Variants in TNIK observed in about 807,000 individuals in gnomAD.
TNIK encodes the protein TRAF2 and NCK interacting kinase.
Under a neutral mutation model 191.3 loss-of-function variants are expected in TNIK, and 49 were observed. The ratio of observed to expected loss-of-function variants is 0.26; its 90% CI spans 0.20 to 0.32. The LOEUF (loss-of-function observed/expected upper bound fraction) is 0.32. TNIK is among the 10% of genes least tolerant of loss of function. The probability of loss-of-function intolerance (pLI) is 1.00; values close to 1 mark genes in which losing one functional copy is unlikely to be tolerated. For missense variants in TNIK, 1,155 were observed against 1,702.3 expected (o/e 0.68, Z 5.66); for synonymous variants, 594 against 600.9 (o/e 0.99, Z 0.17).
chr3:171,247,000 A>G (rs1745665225), intron 2 of TNIK, among the ~76,000 whole-genome samples: 1 of 152,272 alleles, frequency 6.6e-6, no homozygotes, highest in African/African-American at 2.4e-5. Context: ...TGGCCAATGT[A>G]TGAGGAAGGG....
intron 1 of TNIK, among the ~76,000 whole-genome samples, chr3:171,402,722 C>T (rs1314235672): frequency 6.6e-6 from 1 of 152,114 alleles, no homozygotes; most frequent in African/African-American, 2.4e-5. Flanking sequence ...GTTAGCTCTC[C>T]AAAATTTAGG....
chr3:171,084,087 A>AT, intron 26 of TNIK, 68 bp downstream of exon 26: 1 of 1,451,040 alleles, frequency 6.9e-7, no homozygotes, highest in Non-Finnish European at 9.1e-7. Context: ...ACAGGCTTTT[A>AT]ATGTTTGAGG....
At chr3:171,107,249 GGAAAAGCCAGC>G in intron 20 of TNIK, 43 bp from the exon 21 acceptor site, 1 of 1,593,756 alleles carries the variant, frequency 6.3e-7, no homozygotes, top group Non-Finnish European at 8.5e-7. Flanking sequence ...CACAGAAGGA[GGAAAAGCCAGC>G]AGAAAGGCAG....
intron 2 of TNIK, among the ~76,000 whole-genome samples, chr3:171,246,074 T>C (rs1485519999): frequency 6.6e-6 from 1 of 151,826 alleles, no homozygotes; most frequent in African/African-American, 2.4e-5. Flanking sequence ...TATGTGTGAG[T>C]GAGGGAGGAA....
rs140751625 is a variant in TNIK, at chr3:171,331,327, A to T, written c.123+38293T>A. Among the ~76,000 whole-genome samples the T allele has an allele frequency of 6.1e-3, 934 of 152,296 alleles. 27 individuals carry two copies. Among genetic ancestry groups the T allele is most frequent in the South Asian group, 0.058 (280 of 4,818 alleles). ...ATATGGCAAAGAGAGCCCTGTAAAT[A>T]CCAGTTGCTGTCATTTCTTAATATT... is the stretch of plus-strand genomic sequence containing the variant. On this transcript the variant is annotated intron_variant, in intron 2 of 32. Coordinates refer to ENST00000436636, the MANE Select transcript of TNIK (RefSeq NM_015028.4).
intron 2 of TNIK, among the ~76,000 whole-genome samples, chr3:171,285,239 A>C (rs540454969): frequency 1.2e-4 from 18 of 152,328 alleles, no homozygotes; most frequent in African/African-American, 4.3e-4. Flanking sequence ...TAAATTGTTA[A>C]TAAATAAATA....
intron 1 of TNIK, among the ~76,000 whole-genome samples, chr3:171,393,094 A>G (rs1267631296): frequency 6.6e-6 from 1 of 152,114 alleles, no homozygotes; most frequent in Non-Finnish European, 1.5e-5. Flanking sequence ...TGCCTTGCCC[A>G]CTCTCTCCTA....
chr3:171,257,244 C>T (rs1447353519), intron 2 of TNIK, among the ~76,000 whole-genome samples: 1 of 152,200 alleles, frequency 6.6e-6, no homozygotes, highest in Non-Finnish European at 1.5e-5. Flanking sequence ...ACTGGGAATT[C>T]ATTTTCCACA....
intron 1 of TNIK, among the ~76,000 whole-genome samples, chr3:171,393,012 C>T (rs193035170): frequency 6.6e-6 from 1 of 152,192 alleles, no homozygotes; most frequent in Admixed American, 6.5e-5. Context: ...ACAATGCAGG[C>T]ATTTCTAGGA....
In TNIK at chr3:171,341,363, T is replaced by C. The variant is rs1182786219; in HGVS notation, c.123+28257A>G. 2.0e-5 allele frequency among the ~76,000 whole-genome samples: 3 copies of C among 151,488 alleles called. No individual in the cohort carries two copies. The East Asian group carries it at 5.8e-4, about 29-fold the overall frequency. On this transcript the variant is annotated intron_variant, in intron 2 of 32. Coordinates refer to ENST00000436636, the MANE Select transcript of TNIK (RefSeq NM_015028.4). Reference sequence around the variant, plus strand: ...TGGCACAGGCTGTAATCGTAGCTATTTGGGAGGCTGAGGCAGGAGAATCGC... The same window carrying C: ...TGGCACAGGCTGTAATCGTAGCTATCTGGGAGGCTGAGGCAGGAGAATCGC...
intron 5 of TNIK, among the ~76,000 whole-genome samples, chr3:171,192,901 T>C (rs745965307): frequency 2.0e-5 from 3 of 152,238 alleles, no homozygotes; most frequent in Non-Finnish European, 4.4e-5. Flanking sequence ...ATATAATTTA[T>C]ATTTTTGCCT....
intron 17 of TNIK, 138 bp downstream of exon 17, chr3:171,125,774 G>C (rs1158690850): frequency 7.6e-7 from 1 of 1,315,684 alleles, no homozygotes; most frequent in African/African-American, 1.5e-5. Flanking sequence ...AGGGAATGAA[G>C]AGGGACCAAA....
At position 171,308,853 on chromosome 3, in the gene TNIK, C is replaced by T. The variant is rs1039305299; in HGVS notation, c.123+60767G>A. 2.0e-5 allele frequency among the ~76,000 whole-genome samples: 3 copies of T among 148,592 alleles called. No homozygotes were observed. In the East Asian group the frequency reaches 5.8e-4, roughly 29 times the overall value. ...TGCAAACCAAAACCACAATGAAATACCATCTCACACCAGTTAGAATGGTTA... is the reference window on the plus strand; with the variant it reads ...TGCAAACCAAAACCACAATGAAATATCATCTCACACCAGTTAGAATGGTTA... On this transcript the variant is annotated intron_variant, in intron 2 of 32. Coordinates refer to ENST00000436636, the MANE Select transcript of TNIK (RefSeq NM_015028.4).
At chr3:171,189,845 T>C (rs74582910) in intron 6 of TNIK, among the ~76,000 whole-genome samples, 165 of 152,322 alleles carry the variant, frequency 1.1e-3, no homozygotes, top group African/African-American at 3.8e-3. Flanking sequence ...ATGTATACTT[T>C]TGTTTTTAAA....
In TNIK at chr3:171,443,064, C is replaced by T. The variant is rs369187865; in HGVS notation, c.57+16943G>A. Among the ~76,000 whole-genome samples, 17 of 152,250 alleles carry T rather than the reference C, an allele frequency of 1.1e-4. No homozygotes were observed. In the South Asian group the frequency reaches 1.2e-3, roughly 11 times the overall value. On this transcript the variant is annotated intron_variant, in intron 1 of 32. Coordinates refer to ENST00000436636, the MANE Select transcript of TNIK (RefSeq NM_015028.4). ...GTATTGGCTCTAGAAAGCACTACAG[C>T]GCTTTATTTGTTTATTTGTTTGCAT...
rs535806304 is a variant in TNIK, at chr3:171,180,850, T to C, written c.640-3470A>G. Among the ~76,000 whole-genome samples, 15 of 152,330 alleles carry C rather than the reference T, an allele frequency of 9.8e-5. No individual in the cohort carries two copies. In the East Asian group the frequency reaches 2.9e-3, roughly 29 times the overall value. On this transcript the variant is annotated intron_variant, in intron 7 of 32. Coordinates refer to ENST00000436636, the MANE Select transcript of TNIK (RefSeq NM_015028.4). The stretch of plus-strand genomic sequence containing the variant: ...GTTATCAAAATGCATTTTTAATCCA[T>C]AAAATAATTACTTCAGATTCCTACT...
chr3:171,270,928 T>C (rs1749016869), intron 2 of TNIK, among the ~76,000 whole-genome samples: 1 of 152,242 alleles, frequency 6.6e-6, no homozygotes, highest in South Asian at 2.1e-4. Context: ...TTATTGTTCC[T>C]GTTATTTCAT....
At chr3:171,193,760 G>A (rs1224205536) in intron 5 of TNIK, among the ~76,000 whole-genome samples, 1 of 152,102 alleles carries the variant, frequency 6.6e-6, no homozygotes, top group Non-Finnish European at 1.5e-5. Flanking sequence ...AAATAACAAT[G>A]GCCAGGAAGA....
At chr3:171,277,600 T>C (rs1749910001) in intron 2 of TNIK, among the ~76,000 whole-genome samples, 2 of 152,088 alleles carry the variant, frequency 1.3e-5, no homozygotes. Flanking sequence ...AAATGAATAA[T>C]TGTTTATAGC....
Sources: allele counts gnomAD v4.1 joint callset (sites outside exome capture counted in the v4.1 genomes callset), GRCh38; gene constraint gnomAD v4.1.1; transcripts MANE v1.5; gene names NCBI Gene and HGNC (gene_info 2026-07-23, HGNC 2026-07-21).